The following MISP3 variants were observed in gnomAD, a reference collection of about 807,000 sequenced individuals.
MISP3 encodes the protein MISP family member 3.
MISP3 carries 9 observed loss-of-function variants against 5.5 expected under a neutral mutation model. That is an observed-to-expected ratio of 1.65 (90% confidence interval 0.99 to 2.87). MISP3 has a LOEUF of 2.87. Among genes scored for constraint, MISP3 ranks in the 30% most tolerant of loss-of-function variants. MISP3 has a pLI of 0.00. For synonymous variants in MISP3, 87 were observed against 38.1 expected (o/e 2.28, Z -4.73); for missense variants, 152 against 84.1 (o/e 1.81, Z -3.16).
At position 14,073,505 on chromosome 19, in the gene MISP3, CAGCGGGACAT is replaced by C; in HGVS notation, c.197_206del (p.Gln66ProfsTer131). 1 of 368,496 alleles carries C rather than the reference CAGCGGGACAT, an allele frequency of 2.7e-6. No homozygotes were observed. Among genetic ancestry groups the C allele is most frequent in the Non-Finnish European group, 4.8e-6 (1 of 209,918 alleles). The allele number at this position is 368,496 out of a possible 1,614,324, so 22.8% of individuals were successfully genotyped here. ...GCGGGCGCGGGCGGGCGCGCAGATG[CAGCGGGACAT>C]CGAGCGGGAGGCCCACCGGCAGGCG... On this transcript the variant is annotated frameshift_variant, in exon 1 of 3. Coordinates refer to ENST00000587086, the MANE Select transcript of MISP3 (RefSeq NM_001291291.2). LOFTEE classifies it high-confidence loss of function. This position sits in a 1 kb window ranked among gnomAD's most constrained non-coding sequence, Gnocchi z 8.5.
chr19:14,074,318 G>C lies in MISP3; in HGVS notation c.569-72G>C, dbSNP rs1378648362. 16 of 694,832 alleles carry C rather than the reference G, an allele frequency of 2.3e-5. No individual in the cohort carries two copies. Among genetic ancestry groups the C allele is most frequent in the Admixed American group, 6.1e-5 (3 of 49,202 alleles). The allele number at this position is 694,832 out of a possible 1,614,324, so 43.0% of individuals were successfully genotyped here. On this transcript the variant is annotated intron_variant, in intron 1 of 2. Transcript: ENST00000587086. This position sits in a 1 kb window ranked among gnomAD's most constrained non-coding sequence, Gnocchi z 4.4. ...AGGCGGAGGGTGAACGCCTGTGTGT[G>C]TTTAAGGGGTGCGGCCGGCCTTTCA... is the stretch of plus-strand genomic sequence containing the variant.
rs1367186156 is a variant in MISP3, at chr19:14,073,776, A to C, written c.467A>C (p.Gln156Pro). ...CCTTTCACTCCGTCACTGCTGGAGC[A>C]GGAGGTGCGCGCCGTGCGCGAGCGC... ...PPPFTPSLLE[Q>P]EVRAVREREQ... The change falls in exon 1 of 3, where the codon CAG becomes CCG. Residue 156 changes from glutamine (Q) to proline (P), a missense_variant. Coordinates refer to ENST00000587086, the MANE Select transcript of MISP3 (RefSeq NM_001291291.2). The surrounding 1 kb of genome is among the most constrained non-coding windows in gnomAD (Gnocchi z 8.5). 2.9e-6 allele frequency: 2 copies of C among 700,466 alleles called. No homozygotes were observed. The highest frequency in any genetic ancestry group is 5.2e-6 in the Non-Finnish European group (2 of 384,024). The allele number at this position is 700,466 out of a possible 1,614,324, so 43.4% of individuals were successfully genotyped here.
At position 14,072,830 on chromosome 19, in the gene MISP3, C is replaced by T. The variant is rs1313862250; in HGVS notation, c.-480C>T. On this transcript the variant is annotated 5_prime_UTR_variant, in exon 1 of 3. Transcript: ENST00000587086. The surrounding 1 kb of genome is among the most constrained non-coding windows in gnomAD (Gnocchi z 6.8). ...GCCGCCACAGGTGCCTCACAGTGCCCTCTGTCCTCGCTCTGGGAATCAAAA... is the reference window on the plus strand; with the variant it reads ...GCCGCCACAGGTGCCTCACAGTGCCTTCTGTCCTCGCTCTGGGAATCAAAA... 2 of 372,890 alleles carry T rather than the reference C, an allele frequency of 5.4e-6. No individual in the cohort carries two copies. Among genetic ancestry groups the T allele is most frequent in the East Asian group, 7.3e-5 (1 of 13,784 alleles). The allele number at this position is 372,890 out of a possible 1,614,324, so 23.1% of individuals were successfully genotyped here. A position where few individuals can be genotyped will look rare whatever the true frequency, so the allele number is the denominator to read the frequency against.
rs556789422 is a variant in MISP3, at chr19:14,073,303, G to A, written c.-7G>A. On this transcript the variant is annotated 5_prime_UTR_variant, in exon 1 of 3. Coordinates refer to ENST00000587086, the MANE Select transcript of MISP3 (RefSeq NM_001291291.2). The surrounding 1 kb of genome is among the most constrained non-coding windows in gnomAD (Gnocchi z 8.5). ...AGGCTCCCCAGCGTCCCCCGGAGGA[G>A]CGGTTCATGGAGACGCCCATCGAGC... 2,423 of 696,342 alleles carry A rather than the reference G, an allele frequency of 3.5e-3. 8 individuals carry two copies. The highest frequency in any genetic ancestry group is 5.0e-3 in the Non-Finnish European group (1,899 of 380,832). 43.1% of individuals were successfully genotyped at this position (696,342 alleles called of 1,614,324 possible).
In MISP3 at chr19:14,074,627, GGCCCAAACC is replaced by G. The variant is rs1976659136; in HGVS notation, c.643-75_643-67del. On this transcript the variant is annotated intron_variant, in intron 2 of 2. Coordinates refer to ENST00000587086, the MANE Select transcript of MISP3 (RefSeq NM_001291291.2). The surrounding 1 kb of genome is among the most constrained non-coding windows in gnomAD (Gnocchi z 4.4). ...GGTGAAGAGGAGACGGTGGTCTTGA[GGCCCAAACC>G]GCCACCCCGAGCCTGGATGCAGTGC... 2.9e-6 allele frequency: 2 copies of G among 694,074 alleles called. No individual in the cohort carries two copies. Among genetic ancestry groups the G allele is most frequent in the East Asian group, 5.4e-5 (2 of 36,950 alleles). The allele number at this position is 694,074 out of a possible 1,614,324, so 43.0% of individuals were successfully genotyped here.
chr19:14,073,551 G>A lies in MISP3; in HGVS notation c.242G>A (p.Arg81His), dbSNP rs1976626027. ...REAHRQAALA[R>H]PAVPEPRARS... ...GCCCACCGGCAGGCGGCGCTGGCGC[G>A]CCCCGCGGTCCCCGAGCCGCGCGCC... The change falls in exon 1 of 3, where the codon CGC becomes CAC. Residue 81 changes from arginine to histidine, a missense_variant. By Grantham distance (29) the Arg-to-His change is conservative (BLOSUM62 0). Coordinates refer to ENST00000587086, the MANE Select transcript of MISP3 (RefSeq NM_001291291.2). The surrounding 1 kb of genome is among the most constrained non-coding windows in gnomAD (Gnocchi z 8.5). The A allele has an allele frequency of 4.0e-6, 1 of 248,546 alleles. No homozygotes were observed. Among genetic ancestry groups the A allele is most frequent in the South Asian group, 1.5e-4 (1 of 6,560 alleles). 15.4% of individuals were successfully genotyped at this position (248,546 alleles called of 1,614,324 possible). A position where few individuals can be genotyped will look rare whatever the true frequency, so the allele number is the denominator to read the frequency against.
rs904763588 is a variant in MISP3, at chr19:14,074,296, C to A, written c.569-94C>A. 1 of 661,818 alleles carries A rather than the reference C, an allele frequency of 1.5e-6. No homozygotes were observed. Among genetic ancestry groups the A allele is most frequent in the Non-Finnish European group, 2.8e-6 (1 of 362,840 alleles). The allele number at this position is 661,818 out of a possible 1,614,324, so 41.0% of individuals were successfully genotyped here. A position where few individuals can be genotyped will look rare whatever the true frequency, so the allele number is the denominator to read the frequency against. ...TTGAATGGAGGCTTTCATGGGGAGG[C>A]GGAGGGTGAACGCCTGTGTGTGTTT... On this transcript the variant is annotated intron_variant, in intron 1 of 2. Coordinates refer to ENST00000587086, the MANE Select transcript of MISP3 (RefSeq NM_001291291.2). The surrounding 1 kb of genome is among the most constrained non-coding windows in gnomAD (Gnocchi z 4.4).
rs539356953 is a variant in MISP3, at chr19:14,074,427, C to T, written c.606C>T (p.Pro202=). 36 of 702,796 alleles carry T rather than the reference C, an allele frequency of 5.1e-5. No individual in the cohort carries two copies. Among genetic ancestry groups the T allele is most frequent in the Middle Eastern group, 2.3e-4 (1 of 4,270 alleles). The allele number at this position is 702,796 out of a possible 1,614,324, so 43.5% of individuals were successfully genotyped here. A position where few individuals can be genotyped will look rare whatever the true frequency, so the allele number is the denominator to read the frequency against. The change falls in exon 2 of 3, where the codon CCC becomes CCT. Residue 202 remains proline (P), a synonymous_variant. Coordinates refer to ENST00000587086, the MANE Select transcript of MISP3 (RefSeq NM_001291291.2). This position sits in a 1 kb window ranked among gnomAD's most constrained non-coding sequence, Gnocchi z 4.4. Reference sequence around the variant, plus strand: ...ACGGAAAGTTGGTGGTGATCTGGCCCCCCCGCAGAAAGGTCTCGGAGAACG... The same window carrying T: ...ACGGAAAGTTGGTGGTGATCTGGCCTCCCCGCAGAAAGGTCTCGGAGAACG... ...RGDGKLVVIW[P]PRRKVSENGL... is the part of the protein sequence containing the mutation.
In MISP3 at chr19:14,073,431, C is replaced by T. The variant is rs1043399460; in HGVS notation, c.122C>T (p.Pro41Leu). 121 of 660,172 alleles carry T rather than the reference C, an allele frequency of 1.8e-4. No individual in the cohort carries two copies. The highest frequency in any genetic ancestry group is 2.9e-4 in the Non-Finnish European group (105 of 367,578). The allele number at this position is 660,172 out of a possible 1,614,324, so 40.9% of individuals were successfully genotyped here. A position where few individuals can be genotyped will look rare whatever the true frequency, so the allele number is the denominator to read the frequency against. Residue 41 changes from proline (P) to leucine (L), a missense_variant, in exon 1 of 3, where the codon CCG becomes CTG. Pro to Leu is a moderately conservative substitution (Grantham distance 98). Transcript: ENST00000587086. This position sits in a 1 kb window ranked among gnomAD's most constrained non-coding sequence, Gnocchi z 8.5. ...GAACTCGTCGAGCTGCGCGTGCGGC[C>T]GGTGCTCAACCTGCCGGGTCCTGGC... The part of the protein sequence containing the change: ...GRELVELRVR[P>L]VLNLPGPGPA...
chr19:14,073,084 C>T lies in MISP3; in HGVS notation c.-226C>T. 1.6e-6 allele frequency: 1 copy of T among 626,724 alleles called. No homozygotes were observed. The highest frequency in any genetic ancestry group is 3.0e-6 in the Non-Finnish European group (1 of 336,152). The allele number at this position is 626,724 out of a possible 1,614,324, so 38.8% of individuals were successfully genotyped here. On this transcript the variant is annotated 5_prime_UTR_variant, in exon 1 of 3. Transcript: ENST00000587086. This position sits in a 1 kb window ranked among gnomAD's most constrained non-coding sequence, Gnocchi z 8.5. ...AGAGCGAAGTCCTCGAGCCATCAGT[C>T]GAGCAGGACGCAGAGAGCCCCGGGC... is the stretch of plus-strand genomic sequence containing the variant.
At position 14,074,117 on chromosome 19, in the gene MISP3, G is replaced by T; in HGVS notation, c.568+240G>T. The T allele has an allele frequency of 1.7e-6, 1 of 593,896 alleles. No homozygotes were observed. Among genetic ancestry groups the T allele is most frequent in the African/African-American group, 1.9e-5 (1 of 53,616 alleles). 36.8% of individuals were successfully genotyped at this position (593,896 alleles called of 1,614,324 possible). A position where few individuals can be genotyped will look rare whatever the true frequency, so the allele number is the denominator to read the frequency against. On this transcript the variant is annotated intron_variant, in intron 1 of 2. Coordinates refer to ENST00000587086, the MANE Select transcript of MISP3 (RefSeq NM_001291291.2). This position sits in a 1 kb window ranked among gnomAD's most constrained non-coding sequence, Gnocchi z 4.4. The stretch of plus-strand genomic sequence containing the variant: ...ATCCACACCACCCAGGCTGCGCGGG[G>T]GTGGGGGCATTCCAGATGTCTTCCT...
In MISP3 at chr19:14,073,825, G is replaced by A. The variant is rs372584202; in HGVS notation, c.516G>A (p.Arg172=). The stretch of plus-strand genomic sequence containing the variant: ...GCGAGCAGGAACTGCAGCGCCAGCG[G>A]CGCAGCGTCTATGGCACCGCGGAGT... ...REREQELQRQ[R]RSVYGTAEFK... Residue 172 remains arginine, a synonymous_variant, in exon 1 of 3, where the codon CGG becomes CGA. Transcript: ENST00000587086. The surrounding 1 kb of genome is among the most constrained non-coding windows in gnomAD (Gnocchi z 8.5). The A allele has an allele frequency of 1.4e-6, 1 of 701,932 alleles. No individual in the cohort carries two copies. Among genetic ancestry groups the A allele is most frequent in the African/African-American group, 1.7e-5 (1 of 57,348 alleles). The allele number at this position is 701,932 out of a possible 1,614,324, so 43.5% of individuals were successfully genotyped here.
Position 14,074,830 on chromosome 19 carries a change from G to A in MISP3, c.*107G>A, listed in dbSNP as rs903631337. Reference sequence around the variant, plus strand: ...GGAGAAGGGTCGGCTCTCTGCATTGGGGAAGATGAAATCGACTTGCCTTTG... The same window carrying A: ...GGAGAAGGGTCGGCTCTCTGCATTGAGGAAGATGAAATCGACTTGCCTTTG... On this transcript the variant is annotated 3_prime_UTR_variant, in exon 3 of 3. Coordinates refer to ENST00000587086, the MANE Select transcript of MISP3 (RefSeq NM_001291291.2). The surrounding 1 kb of genome is among the most constrained non-coding windows in gnomAD (Gnocchi z 4.4). The A allele has an allele frequency of 5.2e-5, 35 of 668,188 alleles. No individual in the cohort carries two copies. In the African/African-American group the frequency reaches 5.8e-4, roughly 11 times the overall value. 41.4% of individuals were successfully genotyped at this position (668,188 alleles called of 1,614,324 possible).
At position 14,072,875 on chromosome 19, in the gene MISP3, C is replaced by A; in HGVS notation, c.-435C>A. ...TCAAAACCCCGGTTGGGAACTGAGG[C>A]TTCCGAACTGCTTCCAACCCTGGAC... is the stretch of plus-strand genomic sequence containing the variant. On this transcript the variant is annotated 5_prime_UTR_variant, in exon 1 of 3. Transcript: ENST00000587086. This position sits in a 1 kb window ranked among gnomAD's most constrained non-coding sequence, Gnocchi z 6.8. 4.8e-6 allele frequency: 2 copies of A among 417,768 alleles called. No homozygotes were observed. The highest frequency in any genetic ancestry group is 4.7e-6 in the Non-Finnish European group (1 of 211,198). 25.9% of individuals were successfully genotyped at this position (417,768 alleles called of 1,614,324 possible).
In MISP3 at chr19:14,073,869, G is replaced by T. The variant is rs1048257896; in HGVS notation, c.560G>T (p.Ser187Ile). 1.4e-6 allele frequency: 1 copy of T among 700,820 alleles called. No individual in the cohort carries two copies. The highest frequency in any genetic ancestry group is 2.0e-5 in the Admixed American group (1 of 49,840). 43.4% of individuals were successfully genotyped at this position (700,820 alleles called of 1,614,324 possible). Reference protein sequence around the residue: ...GTAEFKEPTPSLTASRGDGKL... With the variant: ...GTAEFKEPTPILTASRGDGKL... ...GCGGAGTTCAAGGAGCCTACGCCGA[G>T]CCTCACCGGTAAGCCGCGGGCGTAG... Residue 187 changes from serine to isoleucine, a missense_variant, in exon 1 of 3, where the codon AGC becomes ATC. Transcript: ENST00000587086. The surrounding 1 kb of genome is among the most constrained non-coding windows in gnomAD (Gnocchi z 8.5).
Position 14,073,309 on chromosome 19 carries a change from C to A in MISP3, c.-1C>A. 1 of 696,984 alleles carries A rather than the reference C, an allele frequency of 1.4e-6. No individual in the cohort carries two copies. Among genetic ancestry groups the A allele is most frequent in the South Asian group, 1.5e-5 (1 of 67,392 alleles). The allele number at this position is 696,984 out of a possible 1,614,324, so 43.2% of individuals were successfully genotyped here. A position where few individuals can be genotyped will look rare whatever the true frequency, so the allele number is the denominator to read the frequency against. ...CCCAGCGTCCCCCGGAGGAGCGGTT[C>A]ATGGAGACGCCCATCGAGCGCGAAA... On this transcript the variant is annotated 5_prime_UTR_variant, in exon 1 of 3. Coordinates refer to ENST00000587086, the MANE Select transcript of MISP3 (RefSeq NM_001291291.2). The surrounding 1 kb of genome is among the most constrained non-coding windows in gnomAD (Gnocchi z 8.5).
At position 14,073,318 on chromosome 19, in the gene MISP3, G is replaced by A. The variant is rs988357472; in HGVS notation, c.9G>A (p.Thr3=). 3 of 697,638 alleles carry A rather than the reference G, an allele frequency of 4.3e-6. No individual in the cohort carries two copies. The highest frequency in any genetic ancestry group is 2.7e-5 in the East Asian group (1 of 37,038). The allele number at this position is 697,638 out of a possible 1,614,324, so 43.2% of individuals were successfully genotyped here. A position where few individuals can be genotyped will look rare whatever the true frequency, so the allele number is the denominator to read the frequency against. The change falls in exon 1 of 3, where the codon ACG becomes ACA. Residue 3 remains threonine, a synonymous_variant. Transcript: ENST00000587086. This position sits in a 1 kb window ranked among gnomAD's most constrained non-coding sequence, Gnocchi z 8.5. The stretch of plus-strand genomic sequence containing the variant: ...CCCCGGAGGAGCGGTTCATGGAGAC[G>A]CCCATCGAGCGCGAAATCCGCCGCA... The part of the protein sequence containing the change: ME[T]PIEREIRRSC...
Position 14,073,766 on chromosome 19 carries a change from C to T in MISP3, c.457C>T (p.Leu153=), listed in dbSNP as rs1443366801. ...CGCCCCGCCGCCTTTCACTCCGTCA[C>T]TGCTGGAGCAGGAGGTGCGCGCCGT... is the stretch of plus-strand genomic sequence containing the variant. ...GSAPPPFTPS[L]LEQEVRAVRE... The change falls in exon 1 of 3, where the codon CTG becomes TTG. Residue 153 remains leucine, a synonymous_variant. Transcript: ENST00000587086. This position sits in a 1 kb window ranked among gnomAD's most constrained non-coding sequence, Gnocchi z 8.5. 1.4e-6 allele frequency: 1 copy of T among 699,562 alleles called. No homozygotes were observed. Among genetic ancestry groups the T allele is most frequent in the African/African-American group, 1.8e-5 (1 of 57,068 alleles). The allele number at this position is 699,562 out of a possible 1,614,324, so 43.3% of individuals were successfully genotyped here.
rs774172115 is a variant in MISP3, at chr19:14,074,668, C to G, written c.643-38C>G. The G allele has an allele frequency of 2.1e-5, 15 of 700,784 alleles. No homozygotes were observed. The highest frequency in any genetic ancestry group is 4.6e-4 in the Middle Eastern group (2 of 4,380). 43.4% of individuals were successfully genotyped at this position (700,784 alleles called of 1,614,324 possible). On this transcript the variant is annotated intron_variant, in intron 2 of 2. Coordinates refer to ENST00000587086, the MANE Select transcript of MISP3 (RefSeq NM_001291291.2). The surrounding 1 kb of genome is among the most constrained non-coding windows in gnomAD (Gnocchi z 4.4). The stretch of plus-strand genomic sequence containing the variant: ...CCGAGCCTGGATGCAGTGCGCAGGT[C>G]CCTGAGGCCGGCCTTCCTTCTGGTC...
Sources: gnomAD v4.1 joint callset for allele counts on GRCh38, gnomAD v4.1.1 for gene constraint, Gnocchi (gnomAD v3.1) non-coding constraint, MANE v1.5 for transcripts, NCBI Gene and HGNC (gene_info 2026-07-23, HGNC 2026-07-21) for gene names.